FARS2: variants seen among roughly 807,000 people sequenced by gnomAD.
FARS2 encodes phenylalanine--tRNA ligase, mitochondrial.
FARS2 carries 40 observed loss-of-function variants against 46.4 expected under a neutral mutation model. That is an observed-to-expected ratio of 0.86 (90% CI 0.67 to 1.12). The LOEUF is 1.12. Ranked by LOEUF, FARS2 falls within the 50% of genes most tolerant of loss-of-function variation. The pLI is 0.00. For missense variants in FARS2, 513 were observed against 567.9 expected, an observed-to-expected ratio of 0.90 and a Z score of 0.98; for synonymous variants, 234 against 214.9, an observed-to-expected ratio of 1.09 and a Z score of -0.78.
chr6:5,644,194 TG>T (rs1776961146), intron 6 of FARS2, among the ~76,000 whole-genome samples: 1 of 144,568 alleles, frequency 6.9e-6, no homozygotes, highest in Non-Finnish European at 1.5e-5. Flanking sequence ...GTGCCAGTCA[TG>T]TTTGTTGTTT....
intron 5 of FARS2, among the ~76,000 whole-genome samples, chr6:5,558,405 G>C (rs941065718): frequency 3.3e-5 from 5 of 152,150 alleles, no homozygotes; most frequent in Non-Finnish European, 5.9e-5. Flanking sequence ...CAACCTTGAA[G>C]ATGAAGAATG....
intron 3 of FARS2, among the ~76,000 whole-genome samples, chr6:5,424,761 G>A (rs1762753961): frequency 2.0e-5 from 3 of 152,102 alleles, no homozygotes; most frequent in African/African-American, 7.2e-5. Flanking sequence ...TGAACCTTGT[G>A]AACATATTTC....
intron 1 of FARS2, among the ~76,000 whole-genome samples, chr6:5,297,436 T>G (rs1767969896): frequency 6.6e-6 from 1 of 152,184 alleles, no homozygotes; most frequent in Admixed American, 6.5e-5. Context: ...TCACTTAAGG[T>G]CAGGAGTTCG....
intron 1 of FARS2, among the ~76,000 whole-genome samples, chr6:5,335,245 A>T (rs377030073): frequency 1.3e-5 from 2 of 152,180 alleles, no homozygotes; most frequent in African/African-American, 4.8e-5. Context: ...ATCCGTTTCA[A>T]TTCTGCTCCC....
At chr6:5,398,585 A>G (rs1581987699) in intron 2 of FARS2, among the ~76,000 whole-genome samples, 1 of 152,214 alleles carries the variant, frequency 6.6e-6, no homozygotes. Context: ...TTTATTAAAG[A>G]ATGGTATTTA....
At chr6:5,528,853 GA>G (rs1457614130) in intron 4 of FARS2, among the ~76,000 whole-genome samples, 1 of 152,132 alleles carries the variant, frequency 6.6e-6, no homozygotes, top group African/African-American at 2.4e-5. Context: ...GGTGACTGGA[GA>G]TCGACCAGCC....
chr6:5,534,245 CAT>C (rs34619137), intron 4 of FARS2, among the ~76,000 whole-genome samples: 32,839 of 152,122 alleles, frequency 0.22, 4,833 homozygotes, highest in Non-Finnish European at 0.32. Context: ...TAAATATCTA[CAT>C]CCTCTGAGAT....
At chr6:5,414,963 C>CG (rs1562023363) in intron 3 of FARS2, among the ~76,000 whole-genome samples, 1 of 151,578 alleles carries the variant, frequency 6.6e-6, no homozygotes, top group Non-Finnish European at 1.5e-5. Context: ...TACAGGCACC[C>CG]GCCACCATGC....
chr6:5,261,283 CT>C (rs1236035176), upstream of FARS2: 1 of 153,016 alleles, frequency 6.5e-6, no homozygotes, highest in African/African-American at 2.4e-5. Context: ...CGCCCCGCCC[CT>C]GACCGCCGAT....
At chr6:5,369,659 G>A (rs182040937) in intron 2 of FARS2, among the ~76,000 whole-genome samples, 7 of 152,274 alleles carry the variant, frequency 4.6e-5, no homozygotes, top group African/African-American at 1.4e-4. Flanking sequence ...TGTAAACTGT[G>A]TCTTGTCCCC....
rs186634574 is a variant in FARS2 at position 5,369,194 on chromosome 6, G to C, written c.612+12G>C. ...TCTCCAAGCATGAGGTGAGTCTTGA[G>C]ATGTTTCTCATCGCTGAAGGATGTC... is the stretch of plus-strand genomic sequence containing the variant. On this transcript the variant is annotated intron_variant, in intron 2 of 6. Transcript: ENST00000274680. The C allele has an allele frequency of 6.3e-7, 1 of 1,599,964 alleles. No individual in the cohort carries two copies. The highest frequency in any genetic ancestry group is 1.3e-5 in the African/African-American group (1 of 74,820).
chr6:5,296,129 C>CTTTTTTTTTTTTTTTTTTTTTT (rs70974187), intron 1 of FARS2, among the ~76,000 whole-genome samples: 1 of 55,040 alleles, frequency 1.8e-5, no homozygotes, highest in African/African-American at 8.9e-5. Context: ...TCATTTTGGC[C>CTTTTTTTTTTTTTTTTTTTTTT]TTTTTTTTTT....
At chr6:5,366,757 C>T (rs977888361) in intron 1 of FARS2, among the ~76,000 whole-genome samples, 2 of 152,206 alleles carry the variant, frequency 1.3e-5, no homozygotes, top group Non-Finnish European at 2.9e-5. Context: ...CAATTCTGAA[C>T]TTTGTCTAAC....
intron 6 of FARS2, among the ~76,000 whole-genome samples, chr6:5,692,271 T>G (rs1376843200): frequency 1.3e-5 from 2 of 152,252 alleles, no homozygotes; most frequent in Admixed American, 6.5e-5. Flanking sequence ...ACCCGTCTTC[T>G]GCATCACTCA....
chr6:5,716,813 G>T (rs1204680711), intron 6 of FARS2, among the ~76,000 whole-genome samples: 1 of 152,224 alleles, frequency 6.6e-6, no homozygotes, highest in Non-Finnish European at 1.5e-5. Flanking sequence ...GGCAAAATAT[G>T]GGGGAGGGGG....
At chr6:5,614,782 A>G (rs781368868) in intron 6 of FARS2, among the ~76,000 whole-genome samples, 5 of 152,136 alleles carry the variant, frequency 3.3e-5, no homozygotes, top group Admixed American at 1.3e-4. Flanking sequence ...CCTTTCCCCA[A>G]TTATCTAAAT....
At chr6:5,260,608 C>CAG, upstream of FARS2, 1 of 1,338,050 alleles carries the variant, frequency 7.5e-7, no homozygotes, top group Non-Finnish European at 1.0e-6. Context: ...TCCCCGGCCC[C>CAG]TGGCCCCCCG....
chr6:5,498,196 CT>C (rs1181125398), intron 4 of FARS2, among the ~76,000 whole-genome samples: 1 of 152,018 alleles, frequency 6.6e-6, no homozygotes, highest in East Asian at 1.9e-4. Context: ...TTTTTTTCAT[CT>C]TTTGGTGTTC....
At chr6:5,312,387 A>G (rs1769138846) in intron 1 of FARS2, among the ~76,000 whole-genome samples, 1 of 152,200 alleles carries the variant, frequency 6.6e-6, no homozygotes, top group Non-Finnish European at 1.5e-5. Context: ...AACAACCTTG[A>G]GAAGTAGACT....
Sources: gnomAD v4.1 joint callset for allele counts (sites outside exome capture counted in the v4.1 genomes callset) on GRCh38, gnomAD v4.1.1 for gene constraint, MANE v1.5 for transcripts, NCBI Gene and HGNC (gene_info 2026-07-23, HGNC 2026-07-21) for gene names.